The following UTP18 variants were observed in gnomAD, a reference collection of about 807,000 sequenced individuals.
UTP18 encodes U3 small nucleolar RNA-associated protein 18 homolog.
Under a neutral mutation model 61.1 loss-of-function variants are expected in UTP18, and 36 were observed. The observed-to-expected ratio is 0.59, with a 90% CI of 0.45 to 0.78. The LOEUF is 0.78. Ranked by LOEUF, UTP18 falls within the 30% of genes least tolerant of loss-of-function variation. UTP18 has a pLI of 0.00. For missense variants in UTP18, 753 were observed against 693.9 expected (o/e 1.09, Z -0.96); for synonymous variants, 282 against 251.1 (o/e 1.12, Z -1.16).
intron 6 of UTP18, 76 bp from the exon 7 acceptor site, chr17:51,277,054 G>T: frequency 6.9e-7 from 1 of 1,447,592 alleles, no homozygotes. Flanking sequence ...ATGAACACTT[G>T]TAGTGAAAAG....
chr17:51,287,438 A>G (rs1479963578), intron 10 of UTP18, among the ~76,000 whole-genome samples: 1 of 152,172 alleles, frequency 6.6e-6, no homozygotes, highest in Non-Finnish European at 1.5e-5. Flanking sequence ...GGGAATAAGC[A>G]AAGGATGTTT....
intron 9 of UTP18, among the ~76,000 whole-genome samples, chr17:51,280,815 TA>T (rs1396290553): frequency 6.6e-6 from 1 of 151,082 alleles, no homozygotes; most frequent in Non-Finnish European, 1.5e-5. Context: ...TCCATCTCAA[TA>T]AAAAAATTTT....
At chr17:51,266,484 C>G (rs1369041474) in intron 3 of UTP18, among the ~76,000 whole-genome samples, 2 of 152,098 alleles carry the variant, frequency 1.3e-5, no homozygotes, top group African/African-American at 4.8e-5. Flanking sequence ...AAATTCTTAC[C>G]ACTCAAATAT....
chr17:51,264,940 CCT>C (rs2055545011), intron 2 of UTP18, among the ~76,000 whole-genome samples: 1 of 152,070 alleles, frequency 6.6e-6, no homozygotes, highest in Admixed American at 6.6e-5. Flanking sequence ...GCCTCGGCCT[CCT>C]AAAGTGCTGG....
intron 11 of UTP18, among the ~76,000 whole-genome samples, chr17:51,292,403 A>C (rs1905261757): frequency 6.6e-6 from 1 of 152,252 alleles, no homozygotes; most frequent in Admixed American, 6.5e-5. Flanking sequence ...AAAATAATTG[A>C]ATGTGGCTTG....
chr17:51,269,839 TTGTGTGTGTGTG>T (rs58180688), intron 4 of UTP18, among the ~76,000 whole-genome samples: 7 of 137,804 alleles, frequency 5.1e-5, no homozygotes, highest in African/African-American at 1.6e-4. Context: ...AAATAATGTA[TTGTGTGTGTGTG>T]TGTGTGTGTG....
chr17:51,283,633 G>A (rs1301445753), intron 9 of UTP18, among the ~76,000 whole-genome samples: 1 of 60,164 alleles, frequency 1.7e-5, no homozygotes, highest in Non-Finnish European at 3.9e-5. Context: ...TTTTTTTTTT[G>A]GAGACAGCAT....
At chr17:51,275,239 C>G (rs1391271690) in intron 5 of UTP18, among the ~76,000 whole-genome samples, 1 of 150,874 alleles carries the variant, frequency 6.6e-6, no homozygotes, top group Non-Finnish European at 1.5e-5. Context: ...AAAAATTTAA[C>G]TTGGTGGTTA....
chr17:51,279,732 C>A (rs1392611115), intron 7 of UTP18, among the ~76,000 whole-genome samples: 1 of 152,052 alleles, frequency 6.6e-6, no homozygotes. Flanking sequence ...GATATGTTTA[C>A]TGTTTGGAGA....
intron 3 of UTP18, among the ~76,000 whole-genome samples, chr17:51,268,522 A>G (rs750622457): frequency 1.3e-5 from 2 of 152,270 alleles, no homozygotes; most frequent in East Asian, 1.9e-4. Flanking sequence ...ACTTCTTTAC[A>G]TAGTCCTGAT....
At chr17:51,277,464 T>G (rs1904770108) in intron 7 of UTP18, among the ~76,000 whole-genome samples, 160 bp downstream of exon 7, 1 of 152,208 alleles carries the variant, frequency 6.6e-6, no homozygotes, top group African/African-American at 2.4e-5. Context: ...AGATAACACG[T>G]TTGAATGAAA....
intron 11 of UTP18, among the ~76,000 whole-genome samples, chr17:51,291,658 C>G (rs141160865): frequency 6.9e-4 from 105 of 151,948 alleles, no homozygotes; most frequent in African/African-American, 2.5e-3. Flanking sequence ...TTGCTTGCCC[C>G]CAAGAGGCGG....
In UTP18 at chr17:51,277,143, C is replaced by T; in HGVS notation, c.851C>T (p.Thr284Ile). The T allele has an allele frequency of 6.2e-7, 1 of 1,613,830 alleles. No individual in the cohort carries two copies. The highest frequency in any genetic ancestry group is 8.5e-7 in the Non-Finnish European group (1 of 1,179,874). The change falls in exon 7 of 14, where the codon ACA becomes ATA. Residue 284 changes from threonine (T) to isoleucine (I), a missense_variant. Transcript: ENST00000225298. ...ACTTCTTTATAGGTTGATGGGAAAA[C>T]AAATCCTAAAATTCAGAGCATCTAT... is the stretch of plus-strand genomic sequence containing the variant. The part of the protein sequence containing the change: ...AVSLFQVDGK[T>I]NPKIQSIYLE...
At chr17:51,266,820 T>A (rs1477336247) in intron 3 of UTP18, among the ~76,000 whole-genome samples, 2 of 152,204 alleles carry the variant, frequency 1.3e-5, no homozygotes, top group Non-Finnish European at 2.9e-5. Flanking sequence ...CTCCAATTGT[T>A]GTAAGGTGCA....
chr17:51,292,238 A>G (rs1905257787), intron 11 of UTP18, among the ~76,000 whole-genome samples: 1 of 152,238 alleles, frequency 6.6e-6, no homozygotes, highest in Non-Finnish European at 1.5e-5. Flanking sequence ...AGGAACCTGT[A>G]TAGAGAGTGG....
At chr17:51,283,603 T>G (rs1418504568) in intron 9 of UTP18, among the ~76,000 whole-genome samples, 3 of 150,906 alleles carry the variant, frequency 2.0e-5, no homozygotes. Flanking sequence ...GGTTTTGTCT[T>G]TGTTTACTCA....
At chr17:51,278,676 T>G (rs1904810273) in intron 7 of UTP18, among the ~76,000 whole-genome samples, 1 of 152,242 alleles carries the variant, frequency 6.6e-6, no homozygotes, top group African/African-American at 2.4e-5. Context: ...CAGTTGTAGC[T>G]TCACATGGTG....
rs1250883851 is a variant in UTP18 at position 51,288,131 on chromosome 17, T to C, written c.1431T>C (p.Thr477=). 5 of 1,609,938 alleles carry C rather than the reference T, an allele frequency of 3.1e-6. No homozygotes were observed. In the Admixed American group the frequency reaches 8.5e-5, roughly 27 times the overall value. ...KAIMNLVTGV[T]SLTFNPTTEI... ...TAATGAACTTGGTTACAGGTGTTAC[T>C]TCTCTGACCTTCAATCCTACTACAG... Residue 477 remains threonine, a synonymous_variant, in exon 11 of 14, where the codon ACT becomes ACC. Coordinates refer to ENST00000225298, the MANE Select transcript of UTP18 (RefSeq NM_016001.3).
chr17:51,262,560 G>T (rs1057084368), intron 1 of UTP18, among the ~76,000 whole-genome samples: 1 of 152,026 alleles, frequency 6.6e-6, no homozygotes, highest in Non-Finnish European at 1.5e-5. Context: ...GTAACTGGTT[G>T]CTCTTCTTGT....
Sources: gnomAD v4.1 joint callset for allele counts (sites outside exome capture counted in the v4.1 genomes callset) on GRCh38, gnomAD v4.1.1 for gene constraint, MANE v1.5 for transcripts, NCBI Gene and HGNC (gene_info 2026-07-23, HGNC 2026-07-21) for gene names.